Variants in MSR1 observed in about 807,000 individuals in gnomAD.
MSR1 encodes macrophage scavenger receptor types I and II.
Under a neutral mutation model 47.2 loss-of-function variants are expected in MSR1, and 53 were observed. The observed-to-expected ratio is 1.12, with a 90% CI of 0.90 to 1.41. The LOEUF (loss-of-function observed/expected upper bound fraction) is 1.41, where lower values mean the gene tolerates loss of function less well. Ranked by LOEUF, MSR1 falls within the 40% of genes most tolerant of loss-of-function variation. The pLI is 0.00. For missense variants in MSR1, 786 were observed against 546.9 expected (o/e 1.44, Z -4.36); for synonymous variants, 239 against 185.6 (o/e 1.29, Z -2.34).
At chr8:16,122,923 C>A (rs899869178) in intron 8 of MSR1, among the ~76,000 whole-genome samples, 4 of 144,576 alleles carry the variant, frequency 2.8e-5, no homozygotes, top group Non-Finnish European at 6.0e-5. Flanking sequence ...CGGCTCACTG[C>A]AAGCTCCACC....
intron 5 of MSR1, among the ~76,000 whole-genome samples, chr8:16,157,258 G>C (rs1208817643): frequency 6.6e-6 from 1 of 151,864 alleles, no homozygotes; most frequent in African/African-American, 2.4e-5. Flanking sequence ...AGAGATGGAA[G>C]GAACTCTCCT....
intron 5 of MSR1, among the ~76,000 whole-genome samples, chr8:16,156,000 C>G (rs952629434): frequency 2.6e-5 from 4 of 151,752 alleles, no homozygotes. Context: ...ACCTGCTCAT[C>G]ATGCCTTTAA....
intron 6 of MSR1, 51 bp from the exon 7 acceptor site, chr8:16,150,362 A>C: frequency 1.9e-6 from 2 of 1,062,492 alleles, no homozygotes; most frequent in Non-Finnish European, 2.7e-6. Flanking sequence ...TTTCATACAG[A>C]CTTGAGAGTA....
chr8:16,153,443 G>C (rs773364617), intron 6 of MSR1, among the ~76,000 whole-genome samples: 1 of 151,950 alleles, frequency 6.6e-6, no homozygotes, highest in Admixed American at 6.6e-5. Flanking sequence ...AACTCGACCT[G>C]TCTTTTATGA....
intron 8 of MSR1, among the ~76,000 whole-genome samples, chr8:16,142,012 G>T (rs1470441645): frequency 5.3e-5 from 8 of 152,034 alleles, no homozygotes; most frequent in Non-Finnish European, 1.5e-5. Flanking sequence ...AAAGGAGAAA[G>T]AAAGAAGTAA....
At chr8:16,169,070 T>G (rs1260025932) in intron 3 of MSR1, among the ~76,000 whole-genome samples, 200 bp from the exon 4 acceptor site, 2 of 152,180 alleles carry the variant, frequency 1.3e-5, no homozygotes, top group Non-Finnish European at 2.9e-5. Context: ...ACATTCTCCC[T>G]TTCCTATTTT....
At chr8:16,117,010 C>T (rs1473617317) in intron 9 of MSR1, among the ~76,000 whole-genome samples, 4 of 152,120 alleles carry the variant, frequency 2.6e-5, no homozygotes, top group Non-Finnish European at 5.9e-5. Context: ...GAAAAAGCCT[C>T]ACCTCAGCCA....
intron 2 of MSR1, among the ~76,000 whole-genome samples, chr8:16,175,845 T>C (rs1801630119): frequency 6.6e-6 from 1 of 152,164 alleles, no homozygotes; most frequent in Non-Finnish European, 1.5e-5. Context: ...AAAAATGAAA[T>C]AAAGTGATTC....
intron 8 of MSR1, among the ~76,000 whole-genome samples, chr8:16,137,555 A>G (rs375097394): frequency 2.5e-4 from 38 of 152,270 alleles, no homozygotes; most frequent in African/African-American, 8.4e-4. Context: ...GAATGGAGTC[A>G]TAAGGACTTT....
At chr8:16,165,582 C>T (rs1801281502) in intron 4 of MSR1, among the ~76,000 whole-genome samples, 1 of 152,032 alleles carries the variant, frequency 6.6e-6, no homozygotes, top group Non-Finnish European at 1.5e-5. Context: ...GTATTAAGTA[C>T]TCCTATGTTC....
chr8:16,177,372 G>C (rs373656457), intron 2 of MSR1, among the ~76,000 whole-genome samples: 99 of 152,186 alleles, frequency 6.5e-4, no homozygotes, highest in African/African-American at 2.3e-3. Flanking sequence ...GAGTGGTGCA[G>C]CTACAGAGGC....
In MSR1 at chr8:16,155,157, T is replaced by G; in HGVS notation, c.818-13A>C. On this transcript the variant is annotated splice_polypyrimidine_tract_variant and intron_variant, in intron 5 of 9. Transcript: ENST00000262101. The stretch of plus-strand genomic sequence containing the variant: ...GGTCCAGGAGGACCTTTAAAAAAAT[T>G]ACAGTTACTGATCATAGTTGTAAAG... The G allele has an allele frequency of 6.3e-7, 1 of 1,599,998 alleles. No homozygotes were observed. The highest frequency in any genetic ancestry group is 1.7e-4 in the Middle Eastern group (1 of 6,008).
chr8:16,148,570 C>T (rs1183494624), intron 7 of MSR1, among the ~76,000 whole-genome samples: 2 of 152,020 alleles, frequency 1.3e-5, no homozygotes, highest in African/African-American at 4.8e-5. Flanking sequence ...GATCCTCCCA[C>T]CTCAGCCTCC....
chr8:16,189,921 T>C (rs1447560571), intron 1 of MSR1, among the ~76,000 whole-genome samples: 1 of 146,208 alleles, frequency 6.8e-6, no homozygotes, highest in Non-Finnish European at 1.5e-5. Context: ...TTTCCTTTTT[T>C]TTTTTTTTTT....
At chr8:16,139,142 C>A (rs1398215185) in intron 8 of MSR1, among the ~76,000 whole-genome samples, 1 of 152,180 alleles carries the variant, frequency 6.6e-6, no homozygotes, top group Admixed American at 6.5e-5. Flanking sequence ...ATTGCTCTAT[C>A]TAATATAAAA....
At chr8:16,112,031 G>A (rs999469481) in intron 9 of MSR1, among the ~76,000 whole-genome samples, 11 of 152,084 alleles carry the variant, frequency 7.2e-5, no homozygotes, top group African/African-American at 2.4e-4. Context: ...TCCTGGGAGG[G>A]CTTATGTTCT....
At chr8:16,181,069 T>C (rs976139864) in intron 1 of MSR1, among the ~76,000 whole-genome samples, 5 of 152,092 alleles carry the variant, frequency 3.3e-5, no homozygotes, top group African/African-American at 1.2e-4. Flanking sequence ...CTTTATTAGA[T>C]TTAAAGAGCA....
intron 8 of MSR1, chr8:16,139,962 A>G (rs1800508714): frequency 2.3e-6 from 1 of 430,056 alleles, no homozygotes; most frequent in Admixed American, 6.5e-5. Flanking sequence ...GCTTAGATGT[A>G]TTGTAATTGC....
At chr8:16,127,261 A>G (rs2117076442) in intron 8 of MSR1, among the ~76,000 whole-genome samples, 1 of 152,278 alleles carries the variant, frequency 6.6e-6, no homozygotes, top group East Asian at 1.9e-4. Flanking sequence ...TCTGATGTTC[A>G]CCATATCCTG....
Sources: allele counts gnomAD v4.1 joint callset (sites outside exome capture counted in the v4.1 genomes callset), GRCh38; gene constraint gnomAD v4.1.1; transcripts MANE v1.5; gene names NCBI Gene and HGNC (gene_info 2026-07-23, HGNC 2026-07-21).